PRLR: variants seen among roughly 807,000 people sequenced by gnomAD.
The protein encoded by PRLR is hPRL receptor.
Under a neutral mutation model 40.2 loss-of-function variants are expected in PRLR, and 13 were observed. That is an observed-to-expected ratio of 0.32 (90% CI 0.21 to 0.51). PRLR has a LOEUF of 0.51. Ranked by LOEUF, PRLR falls within the 20% of genes least tolerant of loss-of-function variation. The probability of loss-of-function intolerance (pLI) is 0.97; values close to 1 mark genes in which losing one functional copy is unlikely to be tolerated. For missense variants in PRLR, 656 were observed against 747.3 expected (o/e 0.88, Z 1.42); for synonymous variants, 269 against 278.7 (o/e 0.97, Z 0.35).
intron 1 of PRLR, among the ~76,000 whole-genome samples, chr5:35,211,615 G>A (rs1776170374): frequency 6.6e-6 from 1 of 152,282 alleles, no homozygotes; most frequent in East Asian, 1.9e-4. Flanking sequence ...GAGAGGATCT[G>A]CTATATAACC....
At chr5:35,102,315 T>G (rs1771935181) in intron 2 of PRLR, among the ~76,000 whole-genome samples, 1 of 152,162 alleles carries the variant, frequency 6.6e-6, no homozygotes. Flanking sequence ...TGCCTAGGAC[T>G]TGAGCATTTT....
chr5:35,222,707 G>A (rs913653558), intron 1 of PRLR, among the ~76,000 whole-genome samples: 1 of 152,150 alleles, frequency 6.6e-6, no homozygotes, highest in Non-Finnish European at 1.5e-5. Context: ...AGGAGAGTGG[G>A]TAGACTCACT....
chr5:35,154,379 G>A (rs1774426158), intron 1 of PRLR, among the ~76,000 whole-genome samples: 1 of 152,096 alleles, frequency 6.6e-6, no homozygotes, highest in Non-Finnish European at 1.5e-5. Context: ...CTCTAATTTT[G>A]TAGTTATTTA....
chr5:35,111,520 C>G (rs1772657696), intron 2 of PRLR, among the ~76,000 whole-genome samples: 1 of 152,178 alleles, frequency 6.6e-6, no homozygotes, highest in South Asian at 2.1e-4. Context: ...CCCAAATGAA[C>G]AGAAACAAAA....
intron 1 of PRLR, among the ~76,000 whole-genome samples, chr5:35,138,868 A>G (rs1773932788): frequency 6.6e-6 from 1 of 152,230 alleles, no homozygotes; most frequent in African/African-American, 2.4e-5. Context: ...AAAATCTTCC[A>G]GTTAAATCAT....
At chr5:35,149,162 G>C (rs1774272028) in intron 1 of PRLR, among the ~76,000 whole-genome samples, 1 of 152,106 alleles carries the variant, frequency 6.6e-6, no homozygotes, top group Non-Finnish European at 1.5e-5. Context: ...AACTATTTTA[G>C]TATAATTAGT....
chr5:35,051,010 G>A (rs375336477), downstream of PRLR, among the ~76,000 whole-genome samples: 3 of 152,330 alleles, frequency 2.0e-5, no homozygotes, highest in South Asian at 6.2e-4. Flanking sequence ...CTCAGATACT[G>A]TAACCCTTAG....
At chr5:35,178,330 C>T (rs1052142850) in intron 1 of PRLR, among the ~76,000 whole-genome samples, 1 of 152,124 alleles carries the variant, frequency 6.6e-6, no homozygotes, top group Non-Finnish European at 1.5e-5. Flanking sequence ...TCTTATGTGT[C>T]ATATACATAT....
At chr5:35,220,134 A>G (rs537630514) in intron 1 of PRLR, among the ~76,000 whole-genome samples, 1 of 152,242 alleles carries the variant, frequency 6.6e-6, no homozygotes, top group Admixed American at 6.5e-5. Flanking sequence ...AGAGCTCTCA[A>G]AGGCAATGCC....
At chr5:35,194,355 C>A (rs1775680355) in intron 1 of PRLR, among the ~76,000 whole-genome samples, 1 of 152,162 alleles carries the variant, frequency 6.6e-6, no homozygotes, top group South Asian at 2.1e-4. Context: ...TCTCACTGAG[C>A]GTTGGTTACA....
intron 2 of PRLR, among the ~76,000 whole-genome samples, chr5:35,093,327 C>T (rs1487381262): frequency 6.6e-6 from 1 of 152,172 alleles, no homozygotes; most frequent in Admixed American, 6.5e-5. Context: ...ACTGTCAACC[C>T]CTCATCCTCT....
intron 1 of PRLR, among the ~76,000 whole-genome samples, chr5:35,124,062 T>C (rs1332897134): frequency 6.6e-6 from 1 of 152,194 alleles, no homozygotes; most frequent in African/African-American, 2.4e-5. Context: ...GTACTAGCTC[T>C]CAGGAGCTTT....
chr5:35,197,852 C>T (rs1256323070), intron 1 of PRLR, among the ~76,000 whole-genome samples: 1 of 152,230 alleles, frequency 6.6e-6, no homozygotes, highest in Non-Finnish European at 1.5e-5. Flanking sequence ...CCTGGATCAG[C>T]ACCATCCCCT....
chr5:35,087,758 C>A (rs1043471046), intron 3 of PRLR, among the ~76,000 whole-genome samples: 1 of 152,066 alleles, frequency 6.6e-6, no homozygotes, highest in African/African-American at 2.4e-5. Flanking sequence ...AAGCGGGCTC[C>A]CATTTCTCTT....
intron 2 of PRLR, among the ~76,000 whole-genome samples, chr5:35,090,582 TTTG>T (rs146987418): frequency 0.11 from 16,824 of 151,204 alleles, 1,171 homozygotes; most frequent in East Asian, 0.21. Context: ...ATTGTTTCAT[TTTG>T]TTGTTGTTGT....
intron 2 of PRLR, among the ~76,000 whole-genome samples, chr5:35,108,250 A>G (rs938152413): frequency 2.6e-5 from 4 of 152,314 alleles, no homozygotes; most frequent in African/African-American, 9.6e-5. Flanking sequence ...ATTTATGACA[A>G]ACCCACAGCC....
chr5:35,086,768 G>T (rs1770879725), intron 3 of PRLR, among the ~76,000 whole-genome samples: 1 of 152,090 alleles, frequency 6.6e-6, no homozygotes, highest in African/African-American at 2.4e-5. Context: ...ACCATACAAA[G>T]AATCCTTCCC....
chr5:35,226,723 G>A (rs958800289), intron 1 of PRLR, among the ~76,000 whole-genome samples: 17 of 152,100 alleles, frequency 1.1e-4, no homozygotes, highest in African/African-American at 3.4e-4. Flanking sequence ...TTGCTCCCAC[G>A]CCCTGTCCCT....
chr5:35,098,703 A>G (rs1771682662), intron 2 of PRLR, among the ~76,000 whole-genome samples: 1 of 152,230 alleles, frequency 6.6e-6, no homozygotes, highest in Non-Finnish European at 1.5e-5. Context: ...CAAGCTTTGA[A>G]GGTGAGAAGG....
Sources: allele counts gnomAD v4.1 joint callset (sites outside exome capture counted in the v4.1 genomes callset), GRCh38; gene constraint gnomAD v4.1.1; transcripts MANE v1.5; gene names NCBI Gene and HGNC (gene_info 2026-07-23, HGNC 2026-07-21).